The following YTHDC2 variants were observed in gnomAD, a reference collection of about 807,000 sequenced individuals.
The protein encoded by YTHDC2 is 3'-5' RNA helicase YTHDC2.
In YTHDC2, 45 loss-of-function variants were observed where a neutral mutation model predicts 174.9. The observed-to-expected ratio is 0.26, with a 90% CI of 0.20 to 0.33. The LOEUF is 0.33. Among genes scored for constraint, YTHDC2 ranks in the 10% least tolerant of loss-of-function variants. The pLI, the probability that YTHDC2 is intolerant of heterozygous loss-of-function variation, is 1.00. For synonymous variants in YTHDC2, 657 were observed against 574.5 expected (o/e 1.14, Z -2.05); for missense variants, 1,650 against 1,723.7 (o/e 0.96, Z 0.76).
At chr5:113,532,848 C>G in intron 4 of YTHDC2, 31 bp from the exon 5 acceptor site, 2 of 1,578,466 alleles carry the variant, frequency 1.3e-6, no homozygotes. Flanking sequence ...GTGATCATGT[C>G]ATCTTACAGT....
intron 16 of YTHDC2, among the ~76,000 whole-genome samples, chr5:113,555,602 A>G (rs1175111378): frequency 1.3e-5 from 2 of 152,186 alleles, no homozygotes; most frequent in Non-Finnish European, 2.9e-5. Flanking sequence ...TTGGGATAAG[A>G]TTATTGATTG....
chr5:113,520,093 C>G (rs57110469), intron 2 of YTHDC2, among the ~76,000 whole-genome samples: 10 of 152,028 alleles, frequency 6.6e-5, no homozygotes, highest in African/African-American at 1.2e-4. Context: ...GATGTTCCCC[C>G]GCTATGTCCA....
chr5:113,535,492 T>C (rs1168785305), intron 6 of YTHDC2, 150 bp from the exon 7 acceptor site: 3 of 667,042 alleles, frequency 4.5e-6, no homozygotes, highest in African/African-American at 3.8e-5. Context: ...ATTTCTGAAA[T>C]TCCTGTAATA....
chr5:113,585,055 C>G (rs1778604737), intron 26 of YTHDC2, among the ~76,000 whole-genome samples: 1 of 152,062 alleles, frequency 6.6e-6, no homozygotes, highest in Non-Finnish European at 1.5e-5. Context: ...GCAGGGATTA[C>G]AGGTGTGAGC....
chr5:113,561,473 A>AT (rs33978462), intron 18 of YTHDC2, among the ~76,000 whole-genome samples: 108 of 138,488 alleles, frequency 7.8e-4, no homozygotes, highest in South Asian at 1.8e-3. Context: ...ATCTATCTAT[A>AT]TTTTTTTTTT....
chr5:113,589,408 A>AT (rs1554103528), intron 26 of YTHDC2, among the ~76,000 whole-genome samples: 4,873 of 123,128 alleles, frequency 0.04, 128 homozygotes, highest in Middle Eastern at 0.12. Context: ...AAAAAAAAAA[A>AT]ATATATATAT....
chr5:113,564,006 C>G lies in YTHDC2; in HGVS notation c.2590C>G (p.Leu864Val). 6.2e-7 allele frequency: 1 copy of G among 1,614,108 alleles called. No individual in the cohort carries two copies. The highest frequency in any genetic ancestry group is 8.5e-7 in the Non-Finnish European group (1 of 1,180,008). The change falls in exon 20 of 30, where the codon CTA (leucine) becomes GTA (valine). Residue 864 changes from leucine to valine, a missense_variant. Physicochemically the swap from Leu to Val is conservative, Grantham distance 32. Coordinates refer to ENST00000161863, the MANE Select transcript of YTHDC2 (RefSeq NM_022828.5). ...LDPILTIACT[L>V]AYRDPFVLPT... ...CCCCATCCTTACAATTGCTTGCACA[C>G]TAGCTTATCGAGATCCTTTTGTACT... is the stretch of plus-strand genomic sequence containing the variant.
intron 10 of YTHDC2, among the ~76,000 whole-genome samples, chr5:113,544,057 A>G (rs895968748): frequency 6.6e-6 from 1 of 152,196 alleles, no homozygotes; most frequent in African/African-American, 2.4e-5. Context: ...AAACTACATG[A>G]GGGCAGAAAC....
chr5:113,530,131 T>G (rs564611544), intron 4 of YTHDC2, among the ~76,000 whole-genome samples: 1 of 152,338 alleles, frequency 6.6e-6, no homozygotes, highest in East Asian at 1.9e-4. Context: ...TCTAATAGTT[T>G]TATATTGTTT....
intron 10 of YTHDC2, among the ~76,000 whole-genome samples, chr5:113,545,727 CATTTT>C (rs1274815004): frequency 0.021 from 1,689 of 80,226 alleles, 257 homozygotes; most frequent in African/African-American, 0.085. Flanking sequence ...AATTGATCTC[CATTTT>C]TTTTTTTTTT....
intron 2 of YTHDC2, among the ~76,000 whole-genome samples, chr5:113,522,540 C>A (rs1174927046): frequency 4.6e-5 from 7 of 152,076 alleles, no homozygotes; most frequent in Admixed American, 2.6e-4. Flanking sequence ...ATTTAAAAAA[C>A]TCTTGTGAAT....
intron 23 of YTHDC2, among the ~76,000 whole-genome samples, chr5:113,575,114 T>C (rs180770367): frequency 3.0e-4 from 46 of 152,344 alleles, no homozygotes; most frequent in Non-Finnish European, 4.4e-4. Flanking sequence ...TTGAAGATGC[T>C]GAATTCATTG....
intron 10 of YTHDC2, among the ~76,000 whole-genome samples, chr5:113,546,112 T>G (rs1775872383): frequency 6.6e-6 from 1 of 152,146 alleles, no homozygotes; most frequent in Non-Finnish European, 1.5e-5. Context: ...TTTTCTTGCG[T>G]TCTTTCTTTT....
chr5:113,578,578 C>G (rs1388855766), intron 23 of YTHDC2, among the ~76,000 whole-genome samples: 1 of 152,036 alleles, frequency 6.6e-6, no homozygotes, highest in Non-Finnish European at 1.5e-5. Context: ...GGATATTTTT[C>G]TAACATTTTA....
At chr5:113,531,448 TGAGTA>T (rs1352250510) in intron 4 of YTHDC2, among the ~76,000 whole-genome samples, 1 of 152,038 alleles carries the variant, frequency 6.6e-6, no homozygotes, top group Non-Finnish European at 1.5e-5. Flanking sequence ...GCCTACCTCC[TGAGTA>T]GAGAGCAATT....
intron 24 of YTHDC2, 56 bp downstream of exon 24, chr5:113,579,751 A>C (rs1778284155): frequency 6.9e-7 from 1 of 1,446,662 alleles, no homozygotes; most frequent in Non-Finnish European, 9.2e-7. Context: ...GTGTGAATTG[A>C]TATATAATAT....
Position 113,543,982 on chromosome 5 carries a change from A to G in YTHDC2, c.1495+1479A>G, listed in dbSNP as rs189947938. ...TCCTTACTCTCCTTTATTATTCTTTATTGTACTTTCATTACCTGTCATGTA... is the reference window on the plus strand; with the variant it reads ...TCCTTACTCTCCTTTATTATTCTTTGTTGTACTTTCATTACCTGTCATGTA... On this transcript the variant is annotated intron_variant, in intron 10 of 29. Transcript: ENST00000161863. Among the ~76,000 whole-genome samples, 10 of 151,984 alleles carry G rather than the reference A, an allele frequency of 6.6e-5. No individual in the cohort carries two copies. In the East Asian group the frequency reaches 1.7e-3, roughly 26 times the overall value.
At chr5:113,537,519 G>C (rs1405258861) in intron 7 of YTHDC2, among the ~76,000 whole-genome samples, 1 of 150,944 alleles carries the variant, frequency 6.6e-6, no homozygotes, top group Admixed American at 6.6e-5. Context: ...GTATTCTCTA[G>C]AATTATTCCC....
At chr5:113,536,649 G>A (rs944703144) in intron 7 of YTHDC2, among the ~76,000 whole-genome samples, 29 of 152,098 alleles carry the variant, frequency 1.9e-4, no homozygotes, top group African/African-American at 7.0e-4. Context: ...TCTGATTTAT[G>A]GATGTTAACA....
Sources: gnomAD v4.1 joint callset for allele counts (sites outside exome capture counted in the v4.1 genomes callset) on GRCh38, gnomAD v4.1.1 for gene constraint, MANE v1.5 for transcripts, NCBI Gene and HGNC (gene_info 2026-07-23, HGNC 2026-07-21) for gene names.